Variants in NRG3 observed in about 807,000 individuals in gnomAD.
NRG3 encodes pro-neuregulin-3, membrane-bound isoform.
A neutral mutation model predicts 66.9 loss-of-function variants in NRG3; 31 were observed. The ratio of observed to expected loss-of-function variants is 0.46; its 90% CI spans 0.35 to 0.63. The LOEUF (loss-of-function observed/expected upper bound fraction) is 0.63. Among genes scored for constraint, NRG3 ranks in the 20% least tolerant of loss-of-function variants. The pLI is 0.00. For missense variants in NRG3, 910 were observed against 878.9 expected (o/e 1.04, Z -0.45); for synonymous variants, 393 against 359.4 (o/e 1.09, Z -1.06).
At chr10:81,959,085 A>G (rs1850108231) in intron 1 of NRG3, among the ~76,000 whole-genome samples, 1 of 152,214 alleles carries the variant, frequency 6.6e-6, no homozygotes, top group Admixed American at 6.5e-5. Context: ...GCACCCACAC[A>G]CAATATATAT....
At chr10:82,218,927 A>G (rs1305643437) in intron 1 of NRG3, among the ~76,000 whole-genome samples, 1 of 152,080 alleles carries the variant, frequency 6.6e-6, no homozygotes, top group Non-Finnish European at 1.5e-5. Context: ...CATTGCAGAG[A>G]ATGGCTAAGA....
chr10:82,418,238 G>A (rs950861231), intron 2 of NRG3, among the ~76,000 whole-genome samples: 1 of 152,140 alleles, frequency 6.6e-6, no homozygotes, highest in Non-Finnish European at 1.5e-5. Context: ...TGAACAACCA[G>A]ATTTGGGGAT....
intron 2 of NRG3, among the ~76,000 whole-genome samples, chr10:82,647,701 C>T (rs2051055290): frequency 6.6e-6 from 1 of 151,792 alleles, no homozygotes; most frequent in South Asian, 2.1e-4. Flanking sequence ...GCCATTCTAA[C>T]TGGTGTGAGA....
At chr10:82,772,541 T>G (rs2059752197) in intron 3 of NRG3, among the ~76,000 whole-genome samples, 1 of 152,054 alleles carries the variant, frequency 6.6e-6, no homozygotes, top group South Asian at 2.1e-4. Context: ...GTCATCTTTT[T>G]TTTCCAAATA....
chr10:82,741,575 A>G (rs370952637), intron 3 of NRG3, among the ~76,000 whole-genome samples: 3 of 152,192 alleles, frequency 2.0e-5, no homozygotes, highest in East Asian at 1.9e-4. Context: ...AAGGCTTTAC[A>G]TGGATTATTT....
chr10:82,408,120 AAAGAAAG>A (rs1355706762), intron 2 of NRG3, among the ~76,000 whole-genome samples: 1 of 144,138 alleles, frequency 6.9e-6, no homozygotes, highest in Non-Finnish European at 1.5e-5. Context: ...AGAAAGAAAG[AAAGAAAG>A]AAAGAAAGAA....
At chr10:82,527,378 T>TA (rs1846821172) in intron 2 of NRG3, among the ~76,000 whole-genome samples, 1 of 152,088 alleles carries the variant, frequency 6.6e-6, no homozygotes, top group Non-Finnish European at 1.5e-5. Flanking sequence ...ACTACAATTT[T>TA]AAAAAATGTG....
intron 2 of NRG3, among the ~76,000 whole-genome samples, chr10:82,713,565 C>T (rs1263346202): frequency 6.6e-6 from 1 of 152,078 alleles, no homozygotes; most frequent in Non-Finnish European, 1.5e-5. Flanking sequence ...GAGGACACTG[C>T]GTAAAGAAAG....
chr10:82,478,651 T>C lies in NRG3; in HGVS notation c.953+119783T>C, dbSNP rs1237677764. On this transcript the variant is annotated intron_variant, in intron 2 of 8. Coordinates refer to ENST00000372141, the MANE Select transcript of NRG3 (RefSeq NM_001010848.4). ...AAAATGAAAAGTCTCCCATGTCTAC[T>C]TCTTTCTACACAGACACGGCAACCA... Among the ~76,000 whole-genome samples, 2 of 22,664 alleles carry C rather than the reference T, an allele frequency of 8.8e-5. 1 individual carries two copies. Among genetic ancestry groups the C allele is most frequent in the Admixed American group, 9.0e-4 (2 of 2,210 alleles). The allele number at this position is 22,664 out of a possible 152,430, so 14.9% of individuals were successfully genotyped here.
intron 2 of NRG3, among the ~76,000 whole-genome samples, chr10:82,468,342 T>A (rs2132030403): frequency 1.1e-5 from 1 of 87,172 alleles, no homozygotes; most frequent in Middle Eastern, 5.0e-3. Flanking sequence ...AATAATTCTC[T>A]TGAATTTATA....
intron 1 of NRG3, among the ~76,000 whole-genome samples, chr10:82,176,906 A>ACACACACACACACACACACAC (rs1251109253): frequency 5.8e-5 from 3 of 51,544 alleles, no homozygotes; most frequent in East Asian, 4.3e-4. Flanking sequence ...CACACACACA[A>ACACACACACACACACACACAC]ACACACACAC....
At chr10:82,729,717 T>C (rs933901022) in intron 2 of NRG3, among the ~76,000 whole-genome samples, 1 of 152,172 alleles carries the variant, frequency 6.6e-6, no homozygotes, top group African/African-American at 2.4e-5. Flanking sequence ...AAATGTGTCA[T>C]AATTAGAAGT....
intron 1 of NRG3, among the ~76,000 whole-genome samples, chr10:82,174,803 A>T (rs1177559377): frequency 2.0e-5 from 3 of 152,058 alleles, no homozygotes; most frequent in African/African-American, 7.2e-5. Context: ...CCTGCTGCTT[A>T]AACTTCTGAC....
chr10:82,447,185 T>A (rs543402687), intron 2 of NRG3, among the ~76,000 whole-genome samples: 2 of 152,224 alleles, frequency 1.3e-5, no homozygotes, highest in African/African-American at 4.8e-5. Context: ...AAATGGATGC[T>A]TCTCCCAAAT....
intron 4 of NRG3, among the ~76,000 whole-genome samples, chr10:82,931,126 C>T (rs544295827): frequency 2.6e-5 from 4 of 152,248 alleles, no homozygotes; most frequent in African/African-American, 9.6e-5. Context: ...TGTTCTGCTC[C>T]CTCTTGCAGT....
chr10:82,939,775 T>A (rs886915267), intron 4 of NRG3, among the ~76,000 whole-genome samples: 1 of 151,930 alleles, frequency 6.6e-6, no homozygotes, highest in Admixed American at 6.6e-5. Flanking sequence ...CACCTTTCAA[T>A]GTTTTTTTAA....
chr10:82,787,903 G>T (rs1049609752), intron 3 of NRG3, among the ~76,000 whole-genome samples: 2 of 152,254 alleles, frequency 1.3e-5, no homozygotes, highest in Middle Eastern at 3.4e-3. Context: ...ACTTATCAAA[G>T]GCTACTCCAG....
intron 4 of NRG3, among the ~76,000 whole-genome samples, chr10:82,914,969 C>T (rs1294162261): frequency 6.6e-6 from 1 of 152,138 alleles, no homozygotes; most frequent in Non-Finnish European, 1.5e-5. Flanking sequence ...TTCTTTTCCC[C>T]TGCCAGATGC....
At chr10:82,889,310 T>C (rs908067038) in intron 4 of NRG3, among the ~76,000 whole-genome samples, 5 of 152,066 alleles carry the variant, frequency 3.3e-5, no homozygotes, top group South Asian at 2.1e-4. Context: ...GATACCGGGT[T>C]TGAGAGACAG....
Sources: allele counts gnomAD v4.1 joint callset (sites outside exome capture counted in the v4.1 genomes callset), GRCh38; gene constraint gnomAD v4.1.1; transcripts MANE v1.5; gene names NCBI Gene and HGNC (gene_info 2026-07-23, HGNC 2026-07-21).